The following RNF123 variants were observed in gnomAD, a reference collection of about 807,000 sequenced individuals.
RNF123 encodes the protein ring finger protein 123, also known as E3 ubiquitin-protein ligase RNF123.
RNF123 carries 86 observed loss-of-function variants against 168.5 expected under a neutral mutation model. The observed-to-expected ratio is 0.51, with a 90% CI of 0.43 to 0.61. RNF123 has a LOEUF of 0.61. Ranked by LOEUF, RNF123 falls within the 20% of genes least tolerant of loss-of-function variation. RNF123 has a pLI of 0.00. For synonymous variants in RNF123, 666 were observed against 689.1 expected (o/e 0.97, Z 0.52); for missense variants, 1,419 against 1,729.7 (o/e 0.82, Z 3.19).
At chr3:49,716,323 G>T (rs1024796070) in intron 34 of RNF123, 70 bp from the exon 35 acceptor site, 27 of 1,563,176 alleles carry the variant, frequency 1.7e-5, no homozygotes, top group Non-Finnish European at 2.4e-5. Context: ...AGAGAGGGCA[G>T]TGGGCAGGCC....
intron 27 of RNF123, 127 bp from the exon 28 acceptor site, chr3:49,713,386 C>T: frequency 1.2e-6 from 1 of 844,954 alleles, no homozygotes; most frequent in Non-Finnish European, 1.9e-6. Context: ...CCAGATGCCA[C>T]CCTGGGTCCA....
chr3:49,719,528 C>G lies in RNF123; in HGVS notation c.3501-983C>G, dbSNP rs1231478427. 2.9e-6 allele frequency: 4 copies of G among 1,372,344 alleles called. No homozygotes were observed. The African/African-American group carries it at 4.3e-5, about 15-fold the overall frequency. The allele number at this position is 1,372,344 out of a possible 1,614,324, so 85.0% of individuals were successfully genotyped here. ...GCAGGTTGCAGTTCCAGGACTCACC[C>G]TCTTCTGCTCTAGTGCGACATGGGT... On this transcript the variant is annotated intron_variant, in intron 35 of 38. Transcript: ENST00000327697.
intron 21 of RNF123, 107 bp downstream of exon 21, chr3:49,703,635 G>A (rs2054454655): frequency 2.4e-6 from 2 of 850,038 alleles, no homozygotes; most frequent in Non-Finnish European, 3.7e-6. Flanking sequence ...ACCAGAGGGT[G>A]CCCAAGTCTT....
Position 49,716,489 on chromosome 3 carries a change from G to A in RNF123, c.3500+12G>A, listed in dbSNP as rs991596688. On this transcript the variant is annotated intron_variant, in intron 35 of 38. Transcript: ENST00000327697. The stretch of plus-strand genomic sequence containing the variant: ...GGCCCAGCCTCAGAGTGAGTGTTGG[G>A]GACCGTGGGCCCCTGTGGGAGTTGG... 12 of 1,612,110 alleles carry A rather than the reference G, an allele frequency of 7.4e-6. No homozygotes were observed. Among genetic ancestry groups the A allele is most frequent in the Non-Finnish European group, 1.0e-5 (12 of 1,178,748 alleles).
In RNF123 at chr3:49,716,112, A is replaced by G; in HGVS notation, c.3350A>G (p.Gln1117Arg). 1.2e-6 allele frequency: 2 copies of G among 1,613,750 alleles called. No individual in the cohort carries two copies. The highest frequency in any genetic ancestry group is 8.5e-7 in the Non-Finnish European group (1 of 1,179,970). Residue 1117 changes from glutamine to arginine, a missense_variant, in exon 34 of 39, where the codon CAG (glutamine) becomes CGG (arginine). Physicochemically the swap from Gln to Arg is conservative, Grantham distance 43. Coordinates refer to ENST00000327697, the MANE Select transcript of RNF123 (RefSeq NM_022064.5). ...CTGCTCCCCTCACAGCTGCTAAACC[A>G]GGTGCTGAACCGGGTGACAGCTGAG... ...LLRRLAQLLN[Q>R]VLNRVTAERN...
rs141435306 is a variant in RNF123, at chr3:49,698,802, T to C, written c.618T>C (p.Asp206=). 1,063 of 1,613,942 alleles carry C rather than the reference T, an allele frequency of 6.6e-4. 4 individuals are homozygous for C. The African/African-American group carries it at 0.012, about 18-fold the overall frequency. ...DIVSCLIDLD[D]GTLSFCLNGV... Reference sequence around the variant, plus strand: ...TGAGCTGCCTGATTGACCTGGATGATGGCACTCTGTCCTTCTGCCTGTGAG... The same window carrying C: ...TGAGCTGCCTGATTGACCTGGATGACGGCACTCTGTCCTTCTGCCTGTGAG... Residue 206 remains aspartate, a synonymous_variant, in exon 9 of 39, where the codon GAT becomes GAC. Coordinates refer to ENST00000327697, the MANE Select transcript of RNF123 (RefSeq NM_022064.5).
At chr3:49,704,111 A>G (rs939772549) in intron 21 of RNF123, among the ~76,000 whole-genome samples, 15 of 152,222 alleles carry the variant, frequency 9.9e-5, no homozygotes, top group Non-Finnish European at 1.9e-4. Flanking sequence ...GGTGGTGGAG[A>G]TGAGAAATTC....
intron 37 of RNF123, 28 bp downstream of exon 37, chr3:49,720,922 ATG>A: frequency 6.2e-7 from 1 of 1,612,834 alleles, no homozygotes; most frequent in East Asian, 2.2e-5. Flanking sequence ...GCACAGGTCC[ATG>A]CCACTTGAAT....
intron 35 of RNF123, chr3:49,719,178 T>C (rs1303097771): frequency 8.7e-6 from 14 of 1,613,434 alleles, no homozygotes; most frequent in African/African-American, 2.7e-5. Context: ...GCGCATCTAG[T>C]TCGTTGTGGT....
Position 49,721,221 on chromosome 3 carries a change from C to T in RNF123, c.3861C>T (p.Asp1287=). The change falls in exon 39 of 39, where the codon GAC becomes GAT. Residue 1287 remains aspartate, a synonymous_variant. Coordinates refer to ENST00000327697, the MANE Select transcript of RNF123 (RefSeq NM_022064.5). The part of the protein sequence containing the change: ...CINQHLMNNK[D]CFFCKTTIVS... ...ACCAGCACCTGATGAACAACAAGGA[C>T]TGCTTCTTCTGCAAAACCACCATCG... 6.2e-7 allele frequency: 1 copy of T among 1,614,238 alleles called. No homozygotes were observed. The highest frequency in any genetic ancestry group is 8.5e-7 in the Non-Finnish European group (1 of 1,180,032).
intron 21 of RNF123, among the ~76,000 whole-genome samples, chr3:49,704,361 G>A (rs188997301): frequency 3.9e-5 from 6 of 152,316 alleles, no homozygotes; most frequent in Admixed American, 2.6e-4. Flanking sequence ...GGAAGGGCAT[G>A]ATGGGCTTAC....
chr3:49,709,808 G>A (rs1159717778), intron 26 of RNF123, among the ~76,000 whole-genome samples: 2 of 148,012 alleles, frequency 1.4e-5, no homozygotes, highest in African/African-American at 2.5e-5. Flanking sequence ...GCTGACCTCA[G>A]GTGATCCGCC....
chr3:49,699,796 G>A lies in RNF123; in HGVS notation c.984+24G>A, dbSNP rs1188465000. The A allele has an allele frequency of 1.9e-6, 3 of 1,605,618 alleles. No homozygotes were observed. The highest frequency in any genetic ancestry group is 2.7e-5 in the African/African-American group (2 of 74,766). ...TGGTGAGCGGCATTGGGAGGGGCAT[G>A]GGAGGGGAGGAGACAGGCCATGCTA... On this transcript the variant is annotated intron_variant, in intron 12 of 38. Coordinates refer to ENST00000327697, the MANE Select transcript of RNF123 (RefSeq NM_022064.5). The surrounding 1 kb of genome is among the most constrained non-coding windows in gnomAD (Gnocchi z 4.8).
Position 49,719,012 on chromosome 3 carries a change from C to A in RNF123, c.3501-1499C>A, listed in dbSNP as rs771566546. 4.3e-6 allele frequency: 7 copies of A among 1,613,880 alleles called. No individual in the cohort carries two copies. The East Asian group carries it at 1.6e-4, about 36-fold the overall frequency. On this transcript the variant is annotated intron_variant, in intron 35 of 38. Transcript: ENST00000327697. ...CTGAGCGCGCGCAGGCCGTGGAAGG[C>A]ATGCTCGTCCAAGTGCACCAAGCGG...
At chr3:49,705,345 C>T (rs931959494) in intron 23 of RNF123, among the ~76,000 whole-genome samples, 163 bp downstream of exon 23, 11 of 152,204 alleles carry the variant, frequency 7.2e-5, no homozygotes, top group African/African-American at 2.2e-4. Context: ...AGATCAATGC[C>T]GCAGAAATAG....
intron 3 of RNF123, among the ~76,000 whole-genome samples, chr3:49,696,237 G>A (rs1355816156): frequency 6.6e-6 from 1 of 152,164 alleles, no homozygotes; most frequent in Non-Finnish European, 1.5e-5. Context: ...GAGCGGACAG[G>A]TTATGTGCTA....
chr3:49,720,460 T>C (rs1056684063), intron 35 of RNF123, 51 bp from the exon 36 acceptor site: 3 of 1,500,710 alleles, frequency 2.0e-6, no homozygotes, highest in South Asian at 1.4e-5. Context: ...AAGAGAGACT[T>C]TTAGCCAGGC....
rs200303852 is a variant in RNF123 at position 49,691,464 on chromosome 3, G to A, written c.122G>A (p.Arg41His). 6.6e-5 allele frequency: 106 copies of A among 1,614,074 alleles called. No individual in the cohort carries two copies. Among genetic ancestry groups the A allele is most frequent in the Middle Eastern group, 1.6e-4 (1 of 6,084 alleles). Residue 41 changes from arginine (R) to histidine (H), a missense_variant, in exon 3 of 39, where the codon CGC becomes CAC. Coordinates refer to ENST00000327697, the MANE Select transcript of RNF123 (RefSeq NM_022064.5). ...QEKLLNDYLN[R>H]IFSSSEHAPP... ...AAGCTGCTGAATGACTACCTGAACC[G>A]CATCTTTTCCTCTTCTGAACATGCA...
At chr3:49,698,567 T>G in intron 8 of RNF123, 41 bp downstream of exon 8, 1 of 1,602,566 alleles carries the variant, frequency 6.2e-7, no homozygotes, top group Non-Finnish European at 8.5e-7. Context: ...CCCATGACTG[T>G]TACTACAGCT....
Sources: allele counts gnomAD v4.1 joint callset (sites outside exome capture counted in the v4.1 genomes callset), GRCh38; gene constraint gnomAD v4.1.1; non-coding constraint Gnocchi (gnomAD v3.1); transcripts MANE v1.5; gene names NCBI Gene and HGNC (gene_info 2026-07-23, HGNC 2026-07-21).